Variants in BTBD19 observed in about 807,000 individuals in gnomAD.
BTBD19 encodes the protein BTB/POZ domain-containing protein 19.
Under a neutral mutation model 36.1 loss-of-function variants are expected in BTBD19, and 20 were observed. The ratio of observed to expected loss-of-function variants is 0.55; its 90% CI spans 0.39 to 0.80. BTBD19 has a LOEUF of 0.80. Among genes scored for constraint, BTBD19 ranks in the 30% least tolerant of loss-of-function variants. The pLI, the probability that BTBD19 is intolerant of heterozygous loss-of-function variation, is 0.00. For synonymous variants in BTBD19, 157 were observed against 174.3 expected, an observed-to-expected ratio of 0.90 and a Z score of 0.78; for missense variants, 325 against 389.8, an observed-to-expected ratio of 0.83 and a Z score of 1.40.
At chr1:44,812,835 G>A (rs1049640079) in intron 4 of BTBD19, among the ~76,000 whole-genome samples, 161 bp from the exon 5 acceptor site, 20 of 133,330 alleles carry the variant, frequency 1.5e-4, no homozygotes, top group Non-Finnish European at 4.8e-5. Flanking sequence ...GTGTGTGTGT[G>A]TGTAGCAGGC....
chr1:44,813,277 G>T lies in BTBD19; in HGVS notation c.615+8G>T. The T allele has an allele frequency of 6.5e-7, 1 of 1,536,404 alleles. No individual in the cohort carries two copies. The highest frequency in any genetic ancestry group is 1.2e-5 in the South Asian group (1 of 83,822). Reference sequence around the variant, plus strand: ...TGGGCGCGCGTGGGCGCGGTGAGTGGGGCTGGGGGAGCGCAAGGGCACGGA... The same window carrying T: ...TGGGCGCGCGTGGGCGCGGTGAGTGTGGCTGGGGGAGCGCAAGGGCACGGA... On this transcript the variant is annotated splice_region_variant and intron_variant, in intron 6 of 7. Transcript: ENST00000450269. This position sits in a 1 kb window ranked among gnomAD's most constrained non-coding sequence, Gnocchi z 7.8.
At position 44,808,922 on chromosome 1, in the gene BTBD19, T is replaced by C; in HGVS notation, c.86+16T>C. 6.6e-7 allele frequency: 1 copy of C among 1,524,726 alleles called. No individual in the cohort carries two copies. Among genetic ancestry groups the C allele is most frequent in the Admixed American group, 2.1e-5 (1 of 46,906 alleles). The allele number at this position is 1,524,726 out of a possible 1,614,324, so 94.4% of individuals were successfully genotyped here. On this transcript the variant is annotated intron_variant, in intron 1 of 7. Coordinates refer to ENST00000450269, the Ensembl canonical transcript of BTBD19. ...CGCGATACAGGTGAGGGGTGGGCCC[T>C]GCCTGCGGGTTTTTCTTAGCTGGCT...
chr1:44,810,629 C>T lies in BTBD19; in HGVS notation c.354+22C>T, dbSNP rs1652363940. 1 of 1,527,464 alleles carries T rather than the reference C, an allele frequency of 6.5e-7. No individual in the cohort carries two copies. Among genetic ancestry groups the T allele is most frequent in the Admixed American group, 2.0e-5 (1 of 49,066 alleles). The allele number at this position is 1,527,464 out of a possible 1,614,324, so 94.6% of individuals were successfully genotyped here. A position where few individuals can be genotyped will look rare whatever the true frequency, so the allele number is the denominator to read the frequency against. The stretch of plus-strand genomic sequence containing the variant: ...AGAGGTGGGTTTTTGTGCCAGGTCC[C>T]TGTCTCATTTCCCTTGCTTCTCACG... On this transcript the variant is annotated intron_variant, in intron 3 of 7. Transcript: ENST00000450269. This position sits in a 1 kb window ranked among gnomAD's most constrained non-coding sequence, Gnocchi z 4.2.
At position 44,813,373 on chromosome 1, in the gene BTBD19, G is replaced by A. The variant is rs1479355145; in HGVS notation, c.616-1G>A. The A allele has an allele frequency of 6.5e-7, 1 of 1,546,390 alleles. No individual in the cohort carries two copies. Among genetic ancestry groups the A allele is most frequent in the Non-Finnish European group, 8.7e-7 (1 of 1,146,642 alleles). Reference sequence around the variant, plus strand: ...GCCCGACTCAGGGCTGGCGTTTGCAGGCGGTGCTGGAGCGGCCGGTGGCTG... The same window carrying A: ...GCCCGACTCAGGGCTGGCGTTTGCAAGCGGTGCTGGAGCGGCCGGTGGCTG... On this transcript the variant is annotated splice_acceptor_variant, in intron 6 of 7. Coordinates refer to ENST00000450269, the Ensembl canonical transcript of BTBD19. LOFTEE classifies it high-confidence loss of function. This position sits in a 1 kb window ranked among gnomAD's most constrained non-coding sequence, Gnocchi z 7.8.
chr1:44,813,972 G>C lies in BTBD19; in HGVS notation c.*200G>C, dbSNP rs941306501. Reference sequence around the variant, plus strand: ...CGTGTGGGCGAGGTGGGGTCGGGCCGGGCAGGGCTTGGGCTGGGCCTCCCT... The same window carrying C: ...CGTGTGGGCGAGGTGGGGTCGGGCCCGGCAGGGCTTGGGCTGGGCCTCCCT... On this transcript the variant is annotated 3_prime_UTR_variant, in exon 8 of 8. Transcript: ENST00000450269. This position sits in a 1 kb window ranked among gnomAD's most constrained non-coding sequence, Gnocchi z 7.8. The C allele has an allele frequency of 1.2e-6, 1 of 865,054 alleles. No individual in the cohort carries two copies. The highest frequency in any genetic ancestry group is 1.7e-6 in the Non-Finnish European group (1 of 573,212). 53.6% of individuals were successfully genotyped at this position (865,054 alleles called of 1,614,324 possible).
chr1:44,811,174 T>C (rs1652393157), intron 3 of BTBD19, among the ~76,000 whole-genome samples: 1 of 145,674 alleles, frequency 6.9e-6, no homozygotes, highest in South Asian at 2.1e-4. Context: ...TGAGCTGAAA[T>C]CGTGCCACTG....
chr1:44,810,691 C>A lies in BTBD19; in HGVS notation c.354+84C>A. ...CGCCCTGCCTCACACACACTCTGGC[C>A]TGGAGAGGAACGTGTGCCCACACAG... is the stretch of plus-strand genomic sequence containing the variant. On this transcript the variant is annotated intron_variant, in intron 3 of 7. Transcript: ENST00000450269. The surrounding 1 kb of genome is among the most constrained non-coding windows in gnomAD (Gnocchi z 4.2). The A allele has an allele frequency of 7.5e-7, 1 of 1,340,026 alleles. No individual in the cohort carries two copies. The allele number at this position is 1,340,026 out of a possible 1,614,324, so 83.0% of individuals were successfully genotyped here.
Position 44,810,697 on chromosome 1 carries a change from A to G in BTBD19, c.354+90A>G. On this transcript the variant is annotated intron_variant, in intron 3 of 7. Coordinates refer to ENST00000450269, the Ensembl canonical transcript of BTBD19. The surrounding 1 kb of genome is among the most constrained non-coding windows in gnomAD (Gnocchi z 4.2). ...GCCTCACACACACTCTGGCCTGGAG[A>G]GGAACGTGTGCCCACACAGAGAGAA... is the stretch of plus-strand genomic sequence containing the variant. The G allele has an allele frequency of 7.8e-7, 1 of 1,289,294 alleles. No individual in the cohort carries two copies. Among genetic ancestry groups the G allele is most frequent in the Non-Finnish European group, 1.0e-6 (1 of 956,046 alleles). The allele number at this position is 1,289,294 out of a possible 1,614,324, so 79.9% of individuals were successfully genotyped here.
At position 44,813,510 on chromosome 1, in the gene BTBD19, G is replaced by C; in HGVS notation, c.741+11G>C. The C allele has an allele frequency of 1.3e-6, 2 of 1,549,902 alleles. No homozygotes were observed. Among genetic ancestry groups the C allele is most frequent in the Non-Finnish European group, 1.7e-6 (2 of 1,146,040 alleles). On this transcript the variant is annotated intron_variant, in intron 7 of 7. Coordinates refer to ENST00000450269, the Ensembl canonical transcript of BTBD19. The surrounding 1 kb of genome is among the most constrained non-coding windows in gnomAD (Gnocchi z 7.8). ...GAACCACTCATCCCGGTGGGGACGC[G>C]GGGAACCGGCCCAGCTCCACTCAGC...
chr1:44,810,419 G>A lies in BTBD19; in HGVS notation c.293G>A (p.Arg98His), dbSNP rs749213058. Reference sequence around the variant, plus strand: ...TATACCAACAGTGTCAAGCTGTACCGCCACTCTGTGAGCCTGCTGACCAGG... The same window carrying A: ...TATACCAACAGTGTCAAGCTGTACCACCACTCTGTGAGCCTGCTGACCAGG... Residue 98 changes from arginine (R) to histidine (H), a missense_variant, in exon 2 of 8, where the codon CGC becomes CAC. Transcript: ENST00000450269. This position sits in a 1 kb window ranked among gnomAD's most constrained non-coding sequence, Gnocchi z 4.2. The A allele has an allele frequency of 6.1e-5, 95 of 1,551,310 alleles. No individual in the cohort carries two copies. The highest frequency in any genetic ancestry group is 1.7e-4 in the Middle Eastern group (1 of 6,014).
rs1470507552 is a variant in BTBD19 at position 44,813,705 on chromosome 1, C to T, written c.809C>T (p.Pro270Leu). 4 of 1,551,430 alleles carry T rather than the reference C, an allele frequency of 2.6e-6. No homozygotes were observed. Among genetic ancestry groups the T allele is most frequent in the Non-Finnish European group, 3.5e-6 (4 of 1,146,840 alleles). ...AGAGGGGATGAGGCCCGGGGCGCCCCGTGTCGCCGCCGGAGAGGCACCCTG... is the reference window on the plus strand; with the variant it reads ...AGAGGGGATGAGGCCCGGGGCGCCCTGTGTCGCCGCCGGAGAGGCACCCTG... Residue 270 changes from proline to leucine, a missense_variant, in exon 8 of 8, where the codon CCG becomes CTG. Coordinates refer to ENST00000450269, the Ensembl canonical transcript of BTBD19. This position sits in a 1 kb window ranked among gnomAD's most constrained non-coding sequence, Gnocchi z 7.8.
At position 44,810,581 on chromosome 1, in the gene BTBD19, G is replaced by A. The variant is rs1479427229; in HGVS notation, c.328G>A (p.Glu110Lys). ...GCTGGAAGTGCTGACAGCGGCTGTG[G>A]AGTATGGGCTGGAGGAACTGAGAGA... The change falls in exon 3 of 8, where the codon GAG becomes AAG. Residue 110 changes from glutamate (E) to lysine (K), a missense_variant. Coordinates refer to ENST00000450269, the Ensembl canonical transcript of BTBD19. This position sits in a 1 kb window ranked among gnomAD's most constrained non-coding sequence, Gnocchi z 4.2. 6.5e-7 allele frequency: 1 copy of A among 1,549,798 alleles called. No individual in the cohort carries two copies. Among genetic ancestry groups the A allele is most frequent in the Admixed American group, 2.0e-5 (1 of 50,916 alleles).
At chr1:44,811,843 G>A (rs1456555151) in intron 3 of BTBD19, 196 bp from the exon 4 acceptor site, 2 of 366,994 alleles carry the variant, frequency 5.4e-6, no homozygotes, top group African/African-American at 4.2e-5. Flanking sequence ...GCTGGGCTTG[G>A]TTTTGCTAGT....
At position 44,813,114 on chromosome 1, in the gene BTBD19, C is replaced by T; in HGVS notation, c.484-24C>T. ...CCCTACGCACCGCATTCTGCTCCTC[C>T]CTGACCCATTTGCCGGCTCGCAGGA... is the stretch of plus-strand genomic sequence containing the variant. On this transcript the variant is annotated intron_variant, in intron 5 of 7. Coordinates refer to ENST00000450269, the Ensembl canonical transcript of BTBD19. The surrounding 1 kb of genome is among the most constrained non-coding windows in gnomAD (Gnocchi z 7.8). 3.9e-6 allele frequency: 6 copies of T among 1,542,808 alleles called. No individual in the cohort carries two copies. Among genetic ancestry groups the T allele is most frequent in the Non-Finnish European group, 4.4e-6 (5 of 1,141,998 alleles).
chr1:44,813,508 GC>G lies in BTBD19; in HGVS notation c.741+10del. 6.5e-7 allele frequency: 1 copy of G among 1,550,054 alleles called. No individual in the cohort carries two copies. On this transcript the variant is annotated intron_variant, in intron 7 of 7. Coordinates refer to ENST00000450269, the Ensembl canonical transcript of BTBD19. The surrounding 1 kb of genome is among the most constrained non-coding windows in gnomAD (Gnocchi z 7.8). ...AGGAACCACTCATCCCGGTGGGGAC[GC>G]GGGGAACCGGCCCAGCTCCACTCAG... is the stretch of plus-strand genomic sequence containing the variant.
At chr1:44,815,441 A>G (rs915678396), downstream of BTBD19, 2 of 152,160 alleles carry the variant, frequency 1.3e-5, no homozygotes, top group African/African-American at 4.8e-5. Flanking sequence ...TTCATTCACT[A>G]TACATCTTGT....
intron 4 of BTBD19, chr1:44,812,471 C>T (rs375976875): frequency 7.0e-5 from 32 of 454,148 alleles, no homozygotes; most frequent in South Asian, 3.6e-4. Context: ...TTTTGGAGGC[C>T]GAGGCGGGCG....
chr1:44,809,008 C>G, intron 1 of BTBD19, 102 bp downstream of exon 1: 1 of 1,017,002 alleles, frequency 9.8e-7, no homozygotes, highest in South Asian at 1.9e-5. Flanking sequence ...TAGAACTTGG[C>G]CATCCTCCCT....
intron 4 of BTBD19, 101 bp from the exon 5 acceptor site, chr1:44,812,895 C>T (rs1573627167): frequency 8.7e-7 from 1 of 1,155,458 alleles, no homozygotes; most frequent in Non-Finnish European, 1.2e-6. Context: ...TCAGCCTCCC[C>T]AGCTAGGGCT....
Sources: gnomAD v4.1 joint callset for allele counts (sites outside exome capture counted in the v4.1 genomes callset) on GRCh38, gnomAD v4.1.1 for gene constraint, Gnocchi (gnomAD v3.1) non-coding constraint, MANE v1.5 for transcripts, NCBI Gene and HGNC (gene_info 2026-07-23, HGNC 2026-07-21) for gene names.